CCSER1: variants seen among roughly 807,000 people sequenced by gnomAD.
CCSER1 encodes coiled-coil serine rich protein 1.
CCSER1 carries 41 observed loss-of-function variants against 82.0 expected under a neutral mutation model. The observed-to-expected ratio is 0.50, with a 90% CI of 0.39 to 0.65. CCSER1 has a LOEUF of 0.65. Ranked by LOEUF, CCSER1 falls within the 30% of genes least tolerant of loss-of-function variation. The pLI, the probability that CCSER1 is intolerant of heterozygous loss-of-function variation, is 0.00. For missense variants in CCSER1, 1,119 were observed against 1,064.2 expected (o/e 1.05, Z -0.72); for synonymous variants, 414 against 383.9 (o/e 1.08, Z -0.92).
At chr4:90,372,433 G>A (rs1578160464) in intron 3 of CCSER1, among the ~76,000 whole-genome samples, 1 of 152,156 alleles carries the variant, frequency 6.6e-6, no homozygotes, top group Non-Finnish European at 1.5e-5. Flanking sequence ...AGCATGGTGT[G>A]AGAGATGTTT....
chr4:91,222,104 AAGAG>A lies in CCSER1; in HGVS notation c.2217+136120_2217+136123del, dbSNP rs959722755. On this transcript the variant is annotated intron_variant, in intron 10 of 10. Transcript: ENST00000509176. ...TCTCCATCACATATACACATATATA[AAGAG>A]AGAGAGAGAAAATGTGGGGGAGGGA... 7.3e-5 allele frequency among the ~76,000 whole-genome samples: 11 copies of A among 151,516 alleles called. No individual in the cohort carries two copies. In the South Asian group the frequency reaches 1.9e-3, roughly 26 times the overall value.
At chr4:90,550,256 C>G (rs1446661936) in intron 5 of CCSER1, among the ~76,000 whole-genome samples, 1 of 151,990 alleles carries the variant, frequency 6.6e-6, no homozygotes, top group Non-Finnish European at 1.5e-5. Context: ...ACAGCATACT[C>G]AAAGTAATGT....
intron 1 of CCSER1, among the ~76,000 whole-genome samples, chr4:90,301,492 G>A (rs932991747): frequency 1.8e-4 from 28 of 152,090 alleles, no homozygotes; most frequent in African/African-American, 6.5e-4. Flanking sequence ...ATTTCTAATA[G>A]GGTCTGTATA....
intron 6 of CCSER1, among the ~76,000 whole-genome samples, chr4:90,694,730 C>T (rs1014555165): frequency 2.6e-5 from 4 of 151,708 alleles, no homozygotes; most frequent in Non-Finnish European, 4.4e-5. Context: ...GCCAACCTCC[C>T]TTTAGCAGAA....
intron 7 of CCSER1, chr4:90,780,805 TG>T: frequency 9.1e-7 from 1 of 1,102,154 alleles, no homozygotes. Flanking sequence ...CATATATGCG[TG>T]ATCTTTTAGA....
chr4:90,709,530 C>A (rs1300305742), intron 6 of CCSER1, among the ~76,000 whole-genome samples: 1 of 152,094 alleles, frequency 6.6e-6, no homozygotes, highest in African/African-American at 2.4e-5. Flanking sequence ...TGAGAATATA[C>A]AGTATTTGGT....
chr4:91,391,993 A>G (rs1009813901), intron 10 of CCSER1, among the ~76,000 whole-genome samples: 11 of 152,104 alleles, frequency 7.2e-5, no homozygotes, highest in African/African-American at 2.7e-4. Flanking sequence ...ACATATATAG[A>G]CATATAGACA....
intron 10 of CCSER1, among the ~76,000 whole-genome samples, chr4:91,557,721 A>G (rs1030588564): frequency 1.9e-4 from 28 of 151,350 alleles, no homozygotes; most frequent in African/African-American, 5.6e-4. Context: ...TTTTTACAGG[A>G]GCCCAGAGTG....
chr4:90,904,331 T>C (rs1185971793), intron 8 of CCSER1, among the ~76,000 whole-genome samples: 1 of 152,220 alleles, frequency 6.6e-6, no homozygotes, highest in African/African-American at 2.4e-5. Flanking sequence ...TCTTCTTTGC[T>C]TCCTGTTTTC....
At chr4:91,345,485 C>A (rs148468084) in intron 10 of CCSER1, among the ~76,000 whole-genome samples, 1 of 152,018 alleles carries the variant, frequency 6.6e-6, no homozygotes, top group Non-Finnish European at 1.5e-5. Context: ...TTTAGGTAAA[C>A]CTTTGCAACA....
At chr4:90,349,507 AT>A (rs1267201228) in intron 3 of CCSER1, among the ~76,000 whole-genome samples, 2 of 152,094 alleles carry the variant, frequency 1.3e-5, no homozygotes, top group African/African-American at 4.8e-5. Flanking sequence ...AGTGAAACAA[AT>A]TCATTTCTCA....
At chr4:90,846,556 T>C (rs921939102) in intron 8 of CCSER1, among the ~76,000 whole-genome samples, 1 of 152,260 alleles carries the variant, frequency 6.6e-6, no homozygotes, top group East Asian at 1.9e-4. Context: ...AAACATTTAT[T>C]ATTACTTTGT....
At chr4:91,015,014 T>A (rs1739310314) in intron 9 of CCSER1, among the ~76,000 whole-genome samples, 1 of 131,014 alleles carries the variant, frequency 7.6e-6, no homozygotes, top group Non-Finnish European at 1.8e-5. Context: ...ACAATATCAA[T>A]ACAAACTTAC....
intron 1 of CCSER1, among the ~76,000 whole-genome samples, chr4:90,206,059 T>A (rs1342960855): frequency 6.6e-6 from 1 of 150,992 alleles, no homozygotes; most frequent in Non-Finnish European, 1.5e-5. Flanking sequence ...TTTATCATTT[T>A]TTATTGTGTC....
intron 10 of CCSER1, among the ~76,000 whole-genome samples, chr4:91,297,830 CT>C (rs1261143460): frequency 1.3e-5 from 2 of 151,938 alleles, no homozygotes; most frequent in African/African-American, 4.8e-5. Flanking sequence ...AATTGGGGTA[CT>C]TGAGGAAAAG....
rs1437380015 is a variant in CCSER1, at chr4:90,392,162, A to G, written c.1510-7874A>G. 5.3e-5 allele frequency among the ~76,000 whole-genome samples: 8 copies of G among 152,130 alleles called. No individual in the cohort carries two copies. In the South Asian group the frequency reaches 1.2e-3, roughly 24 times the overall value. On this transcript the variant is annotated intron_variant, in intron 3 of 10. Transcript: ENST00000509176. ...AATTTTTAAACTAACAGCAGTCATT[A>G]AATTTTAACTTTGAAATAGGAAGTT...
At chr4:90,168,240 A>T (rs1467561294) in intron 1 of CCSER1, among the ~76,000 whole-genome samples, 3 of 151,944 alleles carry the variant, frequency 2.0e-5, no homozygotes, top group Non-Finnish European at 2.9e-5. Context: ...GATGAGCATT[A>T]TTTCATGTGT....
intron 10 of CCSER1, among the ~76,000 whole-genome samples, chr4:91,213,593 G>T (rs1038367943): frequency 6.6e-6 from 1 of 152,114 alleles, no homozygotes; most frequent in Non-Finnish European, 1.5e-5. Context: ...AGTCCACAAG[G>T]CTTTTGTGGG....
At chr4:91,382,034 T>A (rs115543931) in intron 10 of CCSER1, among the ~76,000 whole-genome samples, 2,811 of 152,272 alleles carry the variant, frequency 0.018, 64 homozygotes, top group African/African-American at 0.063. Flanking sequence ...CAGATCCTGT[T>A]TGCCTGGGTG....
Sources: allele counts gnomAD v4.1 joint callset (sites outside exome capture counted in the v4.1 genomes callset), GRCh38; gene constraint gnomAD v4.1.1; transcripts MANE v1.5; gene names NCBI Gene and HGNC (gene_info 2026-07-23, HGNC 2026-07-21).